The following CDH7 variants were observed in gnomAD, a reference collection of about 807,000 sequenced individuals.
CDH7 encodes cadherin 7.
Under a neutral mutation model 71.8 loss-of-function variants are expected in CDH7, and 25 were observed. That is an observed-to-expected ratio of 0.35 (90% CI 0.25 to 0.49). The LOEUF is 0.49. CDH7 is among the 20% of genes least tolerant of loss of function. CDH7 has a pLI of 0.99. For synonymous variants in CDH7, 381 were observed against 363.8 expected, an observed-to-expected ratio of 1.05 and a Z score of -0.54; for missense variants, 862 against 974.6, an observed-to-expected ratio of 0.88 and a Z score of 1.54.
At chr18:65,781,080 A>C (rs1320944653) in intron 2 of CDH7, among the ~76,000 whole-genome samples, 2 of 152,068 alleles carry the variant, frequency 1.3e-5, no homozygotes, top group Non-Finnish European at 2.9e-5. Context: ...ACAAATAAGA[A>C]TCTTCCCAAG....
At chr18:65,821,664 T>G (rs2143936093) in intron 4 of CDH7, among the ~76,000 whole-genome samples, 1 of 152,296 alleles carries the variant, frequency 6.6e-6, no homozygotes. Flanking sequence ...AGTAGGAATA[T>G]TATTTAACTT....
At chr18:65,874,214 T>TA (rs1568232627) in intron 11 of CDH7, among the ~76,000 whole-genome samples, 11 of 152,326 alleles carry the variant, frequency 7.2e-5, no homozygotes. Flanking sequence ...GGATTAAACT[T>TA]AAGAAAGTGA....
At chr18:65,790,177 C>T (rs1187235531) in intron 2 of CDH7, among the ~76,000 whole-genome samples, 6 of 140,894 alleles carry the variant, frequency 4.3e-5, no homozygotes, top group Non-Finnish European at 6.0e-5. Flanking sequence ...GCCAAGATCG[C>T]GCCACTGCAC....
At chr18:65,870,985 T>A (rs1044990464) in intron 11 of CDH7, among the ~76,000 whole-genome samples, 1 of 152,160 alleles carries the variant, frequency 6.6e-6, no homozygotes, top group African/African-American at 2.4e-5. Context: ...TTCCACATAT[T>A]TTAATCCCTT....
In CDH7 at chr18:65,882,269, T is replaced by A. The variant is rs1262840267; in HGVS notation, c.*1375T>A. 6.6e-6 allele frequency: 1 copy of A among 152,174 alleles called. No individual in the cohort carries two copies. The highest frequency in any genetic ancestry group is 1.5e-5 in the Non-Finnish European group (1 of 67,996). The allele number at this position is 152,174 out of a possible 1,614,324, so 9.4% of individuals were successfully genotyped here. On this transcript the variant is annotated 3_prime_UTR_variant, in exon 12 of 12. Coordinates refer to ENST00000397968, the MANE Select transcript of CDH7 (RefSeq NM_004361.5). ...TGTGTTTAAGTTTGAGTTGAGCTTG[T>A]TAGAGTATGACTTTCATGACCAAAA... is the stretch of plus-strand genomic sequence containing the variant.
At chr18:65,812,472 A>G (rs888087655) in intron 3 of CDH7, among the ~76,000 whole-genome samples, 1 of 152,216 alleles carries the variant, frequency 6.6e-6, no homozygotes, top group Admixed American at 6.5e-5. Context: ...ATCAAACACT[A>G]TAGTTAATCA....
At position 65,857,942 on chromosome 18, in the gene CDH7, A is replaced by G; in HGVS notation, c.1362A>G (p.Ala454=). The change falls in exon 8 of 12, where the codon GCA becomes GCG. Residue 454 remains alanine, a synonymous_variant. Transcript: ENST00000397968. ...CTATTCACAATATCACAGTCCTTGCAATGGAGAGCCGTAAGTTGTGAGGCT... is the reference window on the plus strand; with the variant it reads ...CTATTCACAATATCACAGTCCTTGCGATGGAGAGCCGTAAGTTGTGAGGCT... ...TNAIHNITVL[A]MESQNPSQVG... The G allele has an allele frequency of 6.2e-7, 1 of 1,613,344 alleles. No homozygotes were observed. Among genetic ancestry groups the G allele is most frequent in the Non-Finnish European group, 8.5e-7 (1 of 1,179,534 alleles).
intron 7 of CDH7, among the ~76,000 whole-genome samples, chr18:65,848,705 A>G (rs1913022848): frequency 6.6e-6 from 1 of 152,222 alleles, no homozygotes; most frequent in Non-Finnish European, 1.5e-5. Flanking sequence ...ATAGAACATG[A>G]TATTATTACA....
At chr18:65,827,185 G>T (rs1912162290) in intron 6 of CDH7, among the ~76,000 whole-genome samples, 1 of 151,622 alleles carries the variant, frequency 6.6e-6, no homozygotes, top group Non-Finnish European at 1.5e-5. Flanking sequence ...AGTTGAGATT[G>T]TTAGCAACTA....
At chr18:65,859,177 G>T in intron 9 of CDH7, 131 bp downstream of exon 9, 3 of 795,352 alleles carry the variant, frequency 3.8e-6, no homozygotes, top group Non-Finnish European at 4.1e-6. Context: ...CTAACACTTT[G>T]ATGTGTAGCA....
intron 7 of CDH7, among the ~76,000 whole-genome samples, chr18:65,854,228 C>A (rs904617376): frequency 6.6e-6 from 1 of 151,650 alleles, no homozygotes; most frequent in Non-Finnish European, 1.5e-5. Context: ...ATCACTTGAG[C>A]CTGAGAGGTT....
At position 65,847,101 on chromosome 18, in the gene CDH7, C is replaced by T. The variant is rs115190014; in HGVS notation, c.1235+3036C>T. On this transcript the variant is annotated intron_variant, in intron 7 of 11. Transcript: ENST00000397968. ...AATATAAGCATGTATTTGCATTAGG[C>T]ACTCCAGTAACTATCAAAATGTAAA... is the stretch of plus-strand genomic sequence containing the variant. 3.4e-3 allele frequency among the ~76,000 whole-genome samples: 513 copies of T among 152,194 alleles called. 2 individuals carry two copies. The highest frequency in any genetic ancestry group is 0.012 in the African/African-American group (501 of 41,536).
intron 2 of CDH7, among the ~76,000 whole-genome samples, chr18:65,789,119 A>T (rs926505975): frequency 2.0e-5 from 3 of 152,230 alleles, no homozygotes; most frequent in South Asian, 4.2e-4. Flanking sequence ...ATGAGGAAAC[A>T]TACATATAAT....
intron 2 of CDH7, among the ~76,000 whole-genome samples, chr18:65,768,787 C>T (rs538124030): frequency 3.3e-5 from 5 of 152,162 alleles, no homozygotes; most frequent in Admixed American, 3.3e-4. Context: ...GGGTCCTCAT[C>T]GTTTTGTATG....
chr18:65,882,313 T>G lies in CDH7; in HGVS notation c.*1419T>G, dbSNP rs1914254723. On this transcript the variant is annotated 3_prime_UTR_variant, in exon 12 of 12. Transcript: ENST00000397968. ...ACCAAAATGATGTTTCTACCTATTA[T>G]TTTTCCTAGATTAATACTAGTTTAA... The G allele has an allele frequency of 6.6e-6, 1 of 152,122 alleles. No homozygotes were observed. Among genetic ancestry groups the G allele is most frequent in the South Asian group, 2.1e-4 (1 of 4,830 alleles). 9.4% of individuals were successfully genotyped at this position (152,122 alleles called of 1,614,324 possible). A position where few individuals can be genotyped will look rare whatever the true frequency, so the allele number is the denominator to read the frequency against.
Position 65,762,669 on chromosome 18 carries a change from G to T in CDH7, c.-174G>T, listed in dbSNP as rs1385535185. 3.4e-6 allele frequency: 2 copies of T among 584,072 alleles called. No homozygotes were observed. Among genetic ancestry groups the T allele is most frequent in the Non-Finnish European group, 6.1e-6 (2 of 330,120 alleles). The allele number at this position is 584,072 out of a possible 1,614,324, so 36.2% of individuals were successfully genotyped here. A position where few individuals can be genotyped will look rare whatever the true frequency, so the allele number is the denominator to read the frequency against. Reference sequence around the variant, plus strand: ...TAGGTACTTACTACACCATTCTTTGGCGAAGGCTATTCAGCAGTGGTGACC... The same window carrying T: ...TAGGTACTTACTACACCATTCTTTGTCGAAGGCTATTCAGCAGTGGTGACC... On this transcript the variant is annotated 5_prime_UTR_variant, in exon 2 of 12. Transcript: ENST00000397968.
chr18:65,863,545 A>C (rs1913654078), intron 11 of CDH7: 1 of 152,806 alleles, frequency 6.5e-6, no homozygotes, highest in Non-Finnish European at 1.5e-5. Context: ...TCTACAGAGG[A>C]GATACACTAG....
chr18:65,827,301 A>T (rs373054663), intron 6 of CDH7, among the ~76,000 whole-genome samples: 1 of 151,854 alleles, frequency 6.6e-6, no homozygotes. Context: ...TTAAGCACAC[A>T]CAATGTACAG....
At chr18:65,781,982 C>T (rs1452552623) in intron 2 of CDH7, among the ~76,000 whole-genome samples, 14 of 73,286 alleles carry the variant, frequency 1.9e-4, no homozygotes, top group South Asian at 1.0e-3. Context: ...CTCTCTCTCT[C>T]TCTCTTTCTC....
Sources: gnomAD v4.1 joint callset for allele counts (sites outside exome capture counted in the v4.1 genomes callset) on GRCh38, gnomAD v4.1.1 for gene constraint, MANE v1.5 for transcripts, NCBI Gene and HGNC (gene_info 2026-07-23, HGNC 2026-07-21) for gene names.